PKIA: variants seen among roughly 807,000 people sequenced by gnomAD.
PKIA encodes the protein cAMP-dependent protein kinase inhibitor alpha.
A neutral mutation model predicts 7.6 loss-of-function variants in PKIA; 4 were observed. The ratio of observed to expected loss-of-function variants is 0.52; its 90% CI spans 0.26 to 1.20. The LOEUF (loss-of-function observed/expected upper bound fraction) is 1.20, where lower values mean the gene tolerates loss of function less well. Among genes scored for constraint, PKIA ranks in the 50% most tolerant of loss-of-function variants. The probability of loss-of-function intolerance (pLI) is 0.13; values close to 1 mark genes in which losing one functional copy is unlikely to be tolerated. For missense variants in PKIA, 73 were observed against 86.2 expected, an observed-to-expected ratio of 0.85 and a Z score of 0.61; for synonymous variants, 21 against 30.7, an observed-to-expected ratio of 0.68 and a Z score of 1.04.
At chr8:78,539,661 G>GA (rs924590387) in intron 1 of PKIA, among the ~76,000 whole-genome samples, 13 of 150,622 alleles carry the variant, frequency 8.6e-5, no homozygotes, top group Middle Eastern at 3.4e-3. Flanking sequence ...GTAAAAAAAG[G>GA]AAAAAAAATG....
chr8:78,589,518 G>C (rs759113688), intron 2 of PKIA, among the ~76,000 whole-genome samples: 7 of 152,006 alleles, frequency 4.6e-5, no homozygotes, highest in Non-Finnish European at 7.4e-5. Context: ...AAGAAAGTTC[G>C]AGAGGAGAAA....
At chr8:78,579,946 A>G (rs536232179) in intron 2 of PKIA, among the ~76,000 whole-genome samples, 54 of 152,154 alleles carry the variant, frequency 3.5e-4, no homozygotes, top group Admixed American at 9.2e-4. Context: ...TCAGATAAAC[A>G]TGGGCTGGTG....
chr8:78,560,835 C>T (rs1807266545), intron 1 of PKIA, among the ~76,000 whole-genome samples: 1 of 152,142 alleles, frequency 6.6e-6, no homozygotes, highest in South Asian at 2.1e-4. Flanking sequence ...TTAACCACAT[C>T]CCTCTGTGTT....
intron 1 of PKIA, among the ~76,000 whole-genome samples, chr8:78,523,931 AATAT>A (rs1187783804): frequency 5.8e-5 from 8 of 137,210 alleles, no homozygotes; most frequent in African/African-American, 2.2e-4. Context: ...TATATATATA[AATAT>A]ATATAAACAT....
chr8:78,591,303 A>C (rs932369598), intron 2 of PKIA: 1 of 152,664 alleles, frequency 6.6e-6, no homozygotes, highest in Non-Finnish European at 1.5e-5. Context: ...TGCTTTTCAT[A>C]GCCTCTTGAA....
At chr8:78,555,503 A>G (rs1807108627) in intron 1 of PKIA, among the ~76,000 whole-genome samples, 1 of 152,074 alleles carries the variant, frequency 6.6e-6, no homozygotes, top group African/African-American at 2.4e-5. Flanking sequence ...TATAAGCCAT[A>G]TAGTTGGAGA....
intron 1 of PKIA, among the ~76,000 whole-genome samples, chr8:78,521,922 A>G (rs1438520249): frequency 1.3e-5 from 2 of 151,876 alleles, no homozygotes; most frequent in Admixed American, 6.6e-5. Context: ...GAATTTGCAT[A>G]TTCTAGGTAC....
chr8:78,526,610 T>C (rs1466520840), intron 1 of PKIA, among the ~76,000 whole-genome samples: 1 of 152,058 alleles, frequency 6.6e-6, no homozygotes, highest in Non-Finnish European at 1.5e-5. Context: ...AAAATTAAAC[T>C]AACTCCATTG....
chr8:78,593,470 T>C (rs993901158), intron 2 of PKIA, among the ~76,000 whole-genome samples: 2 of 152,170 alleles, frequency 1.3e-5, no homozygotes, highest in Admixed American at 6.5e-5. Context: ...GTGAAAATCA[T>C]TGTGAAAAGA....
Position 78,545,178 on chromosome 8 carries a change from T to A in PKIA, c.-156-27633T>A, listed in dbSNP as rs181185159. On this transcript the variant is annotated intron_variant, in intron 1 of 3. Coordinates refer to ENST00000396418, the MANE Select transcript of PKIA (RefSeq NM_006823.4). ...GTGCTCAAAATAGAAATGATTTTTTTAAAAATTCAACATTTAGTAATGCTT... is the reference window on the plus strand; with the variant it reads ...GTGCTCAAAATAGAAATGATTTTTTAAAAAATTCAACATTTAGTAATGCTT... 1.9e-4 allele frequency among the ~76,000 whole-genome samples: 29 copies of A among 152,316 alleles called. No homozygotes were observed. In the East Asian group the frequency reaches 2.9e-3, roughly 15 times the overall value.
intron 1 of PKIA, among the ~76,000 whole-genome samples, chr8:78,542,593 G>A (rs114122131): frequency 2.5e-3 from 378 of 152,242 alleles, no homozygotes; most frequent in African/African-American, 8.7e-3. Context: ...GCATATGTTT[G>A]CTTTTTTTCC....
intron 1 of PKIA, among the ~76,000 whole-genome samples, chr8:78,518,311 G>A (rs1809354216): frequency 6.6e-6 from 1 of 152,088 alleles, no homozygotes; most frequent in African/African-American, 2.4e-5. Context: ...CAGGGTTTTG[G>A]TTTGAAATAT....
chr8:78,522,915 T>C (rs1809444638), intron 1 of PKIA, among the ~76,000 whole-genome samples: 1 of 151,892 alleles, frequency 6.6e-6, no homozygotes, highest in Non-Finnish European at 1.5e-5. Flanking sequence ...TATTCTGAAA[T>C]AGAATAATAA....
intron 2 of PKIA, among the ~76,000 whole-genome samples, chr8:78,584,947 A>G (rs1196438842): frequency 6.6e-6 from 1 of 152,044 alleles, no homozygotes; most frequent in African/African-American, 2.4e-5. Flanking sequence ...GTAATGGAAT[A>G]GAGTCATAAT....
intron 1 of PKIA, among the ~76,000 whole-genome samples, chr8:78,571,714 C>A (rs117609328): frequency 1.3e-5 from 2 of 152,080 alleles, no homozygotes; most frequent in Admixed American, 6.6e-5. Flanking sequence ...TCCTTGCTCA[C>A]TTTCCAGGAA....
At chr8:78,583,859 C>T (rs1343532202) in intron 2 of PKIA, among the ~76,000 whole-genome samples, 2 of 151,978 alleles carry the variant, frequency 1.3e-5, no homozygotes, top group African/African-American at 4.8e-5. Flanking sequence ...AAAGTCATCA[C>T]CAAAATCTGA....
intron 1 of PKIA, chr8:78,534,009 TAAAAC>T (rs1806455329): frequency 6.6e-6 from 1 of 152,162 alleles, no homozygotes; most frequent in African/African-American, 2.4e-5. Flanking sequence ...AACTTTTACT[TAAAAC>T]AAGCAAGTGT....
At chr8:78,544,566 T>G (rs1431727694) in intron 1 of PKIA, among the ~76,000 whole-genome samples, 1 of 152,218 alleles carries the variant, frequency 6.6e-6, no homozygotes, top group East Asian at 1.9e-4. Context: ...GAGTGAATGT[T>G]GCTGACATTG....
At chr8:78,529,914 G>A (rs1433870552) in intron 1 of PKIA, among the ~76,000 whole-genome samples, 1 of 151,908 alleles carries the variant, frequency 6.6e-6, no homozygotes, top group South Asian at 2.1e-4. Flanking sequence ...TATTCAATGT[G>A]TATATATTAC....
Sources: gnomAD v4.1 joint callset for allele counts (sites outside exome capture counted in the v4.1 genomes callset) on GRCh38, gnomAD v4.1.1 for gene constraint, MANE v1.5 for transcripts, NCBI Gene and HGNC (gene_info 2026-07-23, HGNC 2026-07-21) for gene names.